The following SMARCA4 variants were observed in gnomAD, a reference collection of about 807,000 sequenced individuals.
The protein encoded by SMARCA4 is SWI/SNF related BAF chromatin remodeling complex subunit ATPase 4.
Under a neutral mutation model 193.9 loss-of-function variants are expected in SMARCA4, and 31 were observed. The observed-to-expected ratio is 0.16, with a 90% CI of 0.12 to 0.22. The LOEUF (loss-of-function observed/expected upper bound fraction) is 0.22, where lower values mean the gene tolerates loss of function less well. Ranked by LOEUF, SMARCA4 falls within the 10% of genes least tolerant of loss-of-function variation. The pLI is 1.00. For synonymous variants in SMARCA4, 942 were observed against 933.1 expected (o/e 1.01, Z -0.17); for missense variants, 1,148 against 2,296.0 (o/e 0.50, Z 10.22).
chr19:11,057,993 T>C (rs758422427), intron 30 of SMARCA4, among the ~76,000 whole-genome samples: 1 of 151,306 alleles, frequency 6.6e-6, no homozygotes, highest in East Asian at 1.9e-4. Context: ...AAAATCCCAG[T>C]GACTCCAAAG....
intron 29 of SMARCA4, among the ~76,000 whole-genome samples, chr19:11,037,199 T>C (rs1277529621): frequency 6.6e-6 from 1 of 152,248 alleles, no homozygotes; most frequent in East Asian, 1.9e-4. Context: ...GCCGGAACAA[T>C]GTTAGTTCTC....
At position 11,041,245 on chromosome 19, in the gene SMARCA4, C is replaced by A. The variant is rs1055361800; in HGVS notation, c.4171-62C>A. The A allele has an allele frequency of 6.5e-7, 1 of 1,544,234 alleles. No homozygotes were observed. The highest frequency in any genetic ancestry group is 1.2e-5 in the South Asian group (1 of 84,272). On this transcript the variant is annotated intron_variant, in intron 29 of 34. Transcript: ENST00000344626. The surrounding 1 kb of genome is among the most constrained non-coding windows in gnomAD (Gnocchi z 5.6). ...CCCAGCCCGGCCCCTGGGATTGCGT[C>A]GCGGCCTCTGCTTGTCGACCTGGGT...
intron 1 of SMARCA4, among the ~76,000 whole-genome samples, chr19:10,966,946 G>C (rs2084272056): frequency 6.6e-6 from 1 of 152,098 alleles, no homozygotes; most frequent in Admixed American, 6.6e-5. Flanking sequence ...GGAATACTGG[G>C]GGAAGGTATG....
At chr19:10,962,737 T>C (rs1382369790) in intron 1 of SMARCA4, among the ~76,000 whole-genome samples, 1 of 152,018 alleles carries the variant, frequency 6.6e-6, no homozygotes, top group Non-Finnish European at 1.5e-5. Flanking sequence ...GATATGGGGT[T>C]TTACCATGTT....
At chr19:10,977,211 T>TGC (rs1394610012) in intron 1 of SMARCA4, among the ~76,000 whole-genome samples, 1 of 152,214 alleles carries the variant, frequency 6.6e-6, no homozygotes, top group East Asian at 1.9e-4. Flanking sequence ...TTCTACCTGA[T>TGC]GCGCGCCCAA....
rs367601832 is a variant in SMARCA4, at chr19:10,984,285, C to A, written c.134C>A (p.Pro45His). Residue 45 changes from proline to histidine, a missense_variant, in exon 2 of 35, where the codon CCC becomes CAC. Around this residue, in one of 17 missense-constraint regions of SMARCA4, gnomAD observed 201 missense variants for 248.3 expected, o/e 0.81. Transcript: ENST00000344626. The surrounding 1 kb of genome is among the most constrained non-coding windows in gnomAD (Gnocchi z 4.3). Reference protein sequence around the residue: ...SPGSAHSMMGPSPGPPSAGHP... With the variant: ...SPGSAHSMMGHSPGPPSAGHP... ...GGCTCCGCCCACAGCATGATGGGGC[C>A]CAGCCCAGGGCCGCCCTCAGCAGGA... 5.0e-6 allele frequency: 8 copies of A among 1,609,928 alleles called. No individual in the cohort carries two copies. Among genetic ancestry groups the A allele is most frequent in the East Asian group, 4.5e-5 (2 of 44,752 alleles).
intron 8 of SMARCA4, among the ~76,000 whole-genome samples, chr19:10,993,273 G>A (rs1197687087): frequency 1.3e-5 from 2 of 152,150 alleles, no homozygotes; most frequent in South Asian, 2.1e-4. Context: ...GGCGTGAGCC[G>A]CTGCTCCTGG....
chr19:10,967,554 T>TC (rs1440654819), intron 1 of SMARCA4, among the ~76,000 whole-genome samples: 1 of 151,852 alleles, frequency 6.6e-6, no homozygotes, highest in East Asian at 1.9e-4. Flanking sequence ...TCGTTATCCG[T>TC]CTGCCTCAGC....
intron 30 of SMARCA4, among the ~76,000 whole-genome samples, chr19:11,050,052 TTGCACCAC>T (rs374975904): frequency 4.6e-5 from 7 of 152,236 alleles, no homozygotes; most frequent in African/African-American, 1.4e-4. Flanking sequence ...TGAGCCAAGA[TTGCACCAC>T]TGCACTCCAG....
chr19:11,006,472 C>T (rs968627373), intron 13 of SMARCA4, among the ~76,000 whole-genome samples: 1 of 152,170 alleles, frequency 6.6e-6, no homozygotes, highest in Non-Finnish European at 1.5e-5. Flanking sequence ...TATTTAAAGC[C>T]AGGCGCGGTG....
intron 8 of SMARCA4, among the ~76,000 whole-genome samples, chr19:10,993,075 T>C (rs549585863): frequency 2.6e-5 from 4 of 151,194 alleles, no homozygotes; most frequent in Non-Finnish European, 4.4e-5. Context: ...AGCCTCTGTC[T>C]TCTGGGTTCA....
Position 10,973,790 on chromosome 19 carries a change from C to T in SMARCA4, c.-31-10331C>T, listed in dbSNP as rs1055155909. On this transcript the variant is annotated intron_variant, in intron 1 of 34. Coordinates refer to ENST00000344626, the MANE Select transcript of SMARCA4 (RefSeq NM_003072.5). ...TTCACCGTGTTAGCCAGGATGGTCT[C>T]GATCTCCTGACCCTCGTGATCCACC... is the stretch of plus-strand genomic sequence containing the variant. Among the ~76,000 whole-genome samples the T allele has an allele frequency of 1.8e-4, 27 of 152,246 alleles. 1 individual carries two copies. The East Asian group carries it at 4.1e-3, about 23-fold the overall frequency.
Position 11,027,980 on chromosome 19 carries a change from C to T in SMARCA4, c.3382+30C>T, listed in dbSNP as rs774945985. 2.0e-5 allele frequency: 32 copies of T among 1,611,868 alleles called. No homozygotes were observed. In the Admixed American group the frequency reaches 4.7e-4, roughly 24 times the overall value. On this transcript the variant is annotated intron_variant, in intron 24 of 34. Coordinates refer to ENST00000344626, the MANE Select transcript of SMARCA4 (RefSeq NM_003072.5). The stretch of plus-strand genomic sequence containing the variant: ...GTATGAGCCAGTGAGGCGTTTCTTA[C>T]AGGGTTTTGTTGTTGTGGCTGCCAC...
Position 11,058,370 on chromosome 19 carries a change from C to T in SMARCA4, c.4533+7C>T, listed in dbSNP as rs1298157926. On this transcript the variant is annotated splice_region_variant and intron_variant, in intron 31 of 34. Coordinates refer to ENST00000344626, the MANE Select transcript of SMARCA4 (RefSeq NM_003072.5). The surrounding 1 kb of genome is among the most constrained non-coding windows in gnomAD (Gnocchi z 5.8). Reference sequence around the variant, plus strand: ...GGACTTCAAGAAGATAAAGGTAACCCTGACGTTGTACCTGCGCCCCGCATG... The same window carrying T: ...GGACTTCAAGAAGATAAAGGTAACCTTGACGTTGTACCTGCGCCCCGCATG... The T allele has an allele frequency of 6.3e-7, 1 of 1,587,584 alleles. No homozygotes were observed. Among genetic ancestry groups the T allele is most frequent in the South Asian group, 1.1e-5 (1 of 90,586 alleles).
intron 1 of SMARCA4, among the ~76,000 whole-genome samples, chr19:10,962,000 G>A (rs2083848904): frequency 7.5e-6 from 1 of 132,880 alleles, no homozygotes; most frequent in African/African-American, 2.9e-5. Flanking sequence ...TTTGGTCAGT[G>A]ACTCCTTGGG....
At position 10,985,297 on chromosome 19, in the gene SMARCA4, G is replaced by A. The variant is rs766474711; in HGVS notation, c.247G>A (p.Gly83Ser). The part of the protein sequence containing the change: ...HKPMESMHEK[G>S]MSDDPRYNQM... The stretch of plus-strand genomic sequence containing the variant: ...GCCCATGGAGTCCATGCATGAGAAG[G>A]GCATGTCGGACGACCCGCGCTACAA... The change falls in exon 3 of 35, where the codon GGC (glycine) becomes AGC (serine). Residue 83 changes from glycine to serine, a missense_variant. This residue lies in a region of SMARCA4 where 201 missense variants were observed against 248.3 expected (regional missense o/e 0.81). Transcript: ENST00000344626. The surrounding 1 kb of genome is among the most constrained non-coding windows in gnomAD (Gnocchi z 4.5). The A allele has an allele frequency of 5.6e-6, 9 of 1,613,872 alleles. No homozygotes were observed. In the African/African-American group the frequency reaches 1.1e-4, roughly 19 times the overall value.
chr19:11,021,581 C>T (rs531973383), intron 18 of SMARCA4, 144 bp from the exon 19 acceptor site: 32 of 1,025,926 alleles, frequency 3.1e-5, no homozygotes, highest in African/African-American at 2.4e-4. Context: ...AGCCCCGGGG[C>T]AGGACGTCAG....
intron 22 of SMARCA4, 153 bp downstream of exon 22, chr19:11,025,661 C>T: frequency 6.0e-6 from 4 of 671,736 alleles, no homozygotes; most frequent in Non-Finnish European, 5.5e-6. Context: ...CTTCGCTTCA[C>T]CAGTGCTTAC....
chr19:11,050,271 G>T (rs1370714102), intron 30 of SMARCA4, among the ~76,000 whole-genome samples: 1 of 152,234 alleles, frequency 6.6e-6, no homozygotes, highest in African/African-American at 2.4e-5. Context: ...CCTCACAAGA[G>T]CTCTGGCCCC....
Sources: allele counts gnomAD v4.1 joint callset (sites outside exome capture counted in the v4.1 genomes callset), GRCh38; gene constraint gnomAD v4.1.1; regional missense constraint gnomAD v4.1.1; non-coding constraint Gnocchi (gnomAD v3.1); transcripts MANE v1.5; gene names NCBI Gene and HGNC (gene_info 2026-07-23, HGNC 2026-07-21).